Variants in RAB3C observed in about 807,000 individuals in gnomAD.
The protein encoded by RAB3C is RAB3C, member RAS oncogene family.
RAB3C carries 17 observed loss-of-function variants against 26.4 expected under a neutral mutation model. The ratio of observed to expected loss-of-function variants is 0.64; its 90% CI spans 0.44 to 0.97. The LOEUF is 0.97. RAB3C is among the 50% of genes least tolerant of loss of function. RAB3C has a pLI of 0.00. For synonymous variants in RAB3C, 91 were observed against 95.9 expected (o/e 0.95, Z 0.30); for missense variants, 242 against 281.9 (o/e 0.86, Z 1.01).
At chr5:58,718,056 G>T (rs1749209876) in intron 2 of RAB3C, among the ~76,000 whole-genome samples, 1 of 152,044 alleles carries the variant, frequency 6.6e-6, no homozygotes, top group East Asian at 1.9e-4. Flanking sequence ...ATTGTGTTCT[G>T]TGAAGAAAAA....
chr5:58,609,332 C>T (rs1329423530), intron 1 of RAB3C, among the ~76,000 whole-genome samples: 1 of 152,040 alleles, frequency 6.6e-6, no homozygotes, highest in Non-Finnish European at 1.5e-5. Context: ...AGCAGGTCCT[C>T]CAGTGAAGAT....
chr5:58,683,146 A>G (rs1416303584), intron 2 of RAB3C, among the ~76,000 whole-genome samples: 2 of 152,170 alleles, frequency 1.3e-5, no homozygotes, highest in Non-Finnish European at 2.9e-5. Context: ...TTATTATTTT[A>G]TGACCCAAAT....
intron 4 of RAB3C, among the ~76,000 whole-genome samples, chr5:58,850,001 A>G (rs964173226): frequency 2.6e-5 from 4 of 152,204 alleles, no homozygotes; most frequent in Admixed American, 2.6e-4. Flanking sequence ...TATAGGGTGT[A>G]AAATTCAGAA....
At chr5:58,786,887 C>G (rs377363786) in intron 3 of RAB3C, among the ~76,000 whole-genome samples, 1 of 152,032 alleles carries the variant, frequency 6.6e-6, no homozygotes, top group Non-Finnish European at 1.5e-5. Context: ...GTACATGTGC[C>G]GCATCTGCCC....
chr5:58,627,946 A>T (rs1028718728), intron 2 of RAB3C, among the ~76,000 whole-genome samples: 1 of 152,136 alleles, frequency 6.6e-6, no homozygotes, highest in African/African-American at 2.4e-5. Context: ...TCACGAGGTC[A>T]GGAGATTGAG....
chr5:58,758,393 T>C (rs1741721722), intron 3 of RAB3C, among the ~76,000 whole-genome samples: 1 of 152,244 alleles, frequency 6.6e-6, no homozygotes, highest in South Asian at 2.1e-4. Flanking sequence ...ATTCTGGTGA[T>C]ACAACTGTGG....
At chr5:58,824,927 T>G (rs910225216) in intron 3 of RAB3C, 111 bp from the exon 4 acceptor site, 8 of 376,582 alleles carry the variant, frequency 2.1e-5, no homozygotes, top group East Asian at 1.5e-4. Flanking sequence ...GGACATCGTG[T>G]TTTTTTTTTC....
At chr5:58,634,252 G>A (rs1747244022) in intron 2 of RAB3C, among the ~76,000 whole-genome samples, 2 of 152,108 alleles carry the variant, frequency 1.3e-5, no homozygotes, top group African/African-American at 4.8e-5. Flanking sequence ...CAGGTTGAGG[G>A]ATATTTATTC....
chr5:58,693,494 T>C (rs1004522789), intron 2 of RAB3C, among the ~76,000 whole-genome samples: 1 of 151,560 alleles, frequency 6.6e-6, no homozygotes, highest in East Asian at 1.9e-4. Context: ...AACCATCAGG[T>C]TTCCTTCTTT....
intron 2 of RAB3C, among the ~76,000 whole-genome samples, chr5:58,649,876 A>T (rs1346456952): frequency 6.6e-6 from 1 of 152,196 alleles, no homozygotes; most frequent in Non-Finnish European, 1.5e-5. Flanking sequence ...CATTTGCCTG[A>T]CATCTGGAGA....
intron 2 of RAB3C, among the ~76,000 whole-genome samples, chr5:58,648,203 C>T (rs1050922120): frequency 6.7e-6 from 1 of 149,724 alleles, no homozygotes; most frequent in Non-Finnish European, 1.5e-5. Context: ...TAACAGAAGA[C>T]CCCAGGTTGG....
intron 2 of RAB3C, among the ~76,000 whole-genome samples, chr5:58,650,685 T>TGA (rs1747625152): frequency 6.6e-6 from 1 of 152,198 alleles, no homozygotes; most frequent in Non-Finnish European, 1.5e-5. Context: ...CATATGGTCA[T>TGA]ATTTGCTAAG....
At chr5:58,637,819 C>T (rs905398856) in intron 2 of RAB3C, among the ~76,000 whole-genome samples, 7 of 152,082 alleles carry the variant, frequency 4.6e-5, no homozygotes, top group East Asian at 1.9e-4. Context: ...TACAGCTTTC[C>T]GATTTTTCCC....
At chr5:58,800,107 G>C (rs1742770510) in intron 3 of RAB3C, among the ~76,000 whole-genome samples, 1 of 152,206 alleles carries the variant, frequency 6.6e-6, no homozygotes. Flanking sequence ...TTCCCAGTGA[G>C]TGGTGTTTGG....
chr5:58,713,739 A>G (rs1749110368), intron 2 of RAB3C, among the ~76,000 whole-genome samples: 7 of 152,210 alleles, frequency 4.6e-5, no homozygotes, highest in Admixed American at 4.6e-4. Context: ...AACATAAATT[A>G]AACAGGTGCT....
At chr5:58,630,267 T>C (rs1358428538) in intron 2 of RAB3C, among the ~76,000 whole-genome samples, 1 of 152,262 alleles carries the variant, frequency 6.6e-6, no homozygotes, top group Non-Finnish European at 1.5e-5. Context: ...AGGAATTACC[T>C]AACATGTGTA....
chr5:58,660,163 C>A (rs2111804692), intron 2 of RAB3C, among the ~76,000 whole-genome samples: 1 of 150,144 alleles, frequency 6.7e-6, no homozygotes, highest in African/African-American at 2.5e-5. Flanking sequence ...CAAAACAAAG[C>A]AAACAAACAA....
At chr5:58,766,214 T>C (rs578019522) in intron 3 of RAB3C, among the ~76,000 whole-genome samples, 1 of 151,922 alleles carries the variant, frequency 6.6e-6, no homozygotes, top group South Asian at 2.1e-4. Flanking sequence ...ACCTCCCAGC[T>C]TTAAGCAATT....
chr5:58,670,714 A>C (rs1339352625), intron 2 of RAB3C, among the ~76,000 whole-genome samples: 1 of 152,218 alleles, frequency 6.6e-6, no homozygotes, highest in African/African-American at 2.4e-5. Context: ...GTTAAAGTAC[A>C]TTAAGCAGAG....
Sources: gnomAD v4.1 joint callset for allele counts (sites outside exome capture counted in the v4.1 genomes callset) on GRCh38, gnomAD v4.1.1 for gene constraint, MANE v1.5 for transcripts, NCBI Gene and HGNC (gene_info 2026-07-23, HGNC 2026-07-21) for gene names.